The following BMPER variants were observed in gnomAD, a reference collection of about 807,000 sequenced individuals.
The protein encoded by BMPER is BMP-binding endothelial regulator protein.
A neutral mutation model predicts 87.3 loss-of-function variants in BMPER; 45 were observed. The observed-to-expected ratio is 0.52, with a 90% CI of 0.41 to 0.66. BMPER has a LOEUF of 0.66. Ranked by LOEUF, BMPER falls within the 30% of genes least tolerant of loss-of-function variation. BMPER has a pLI of 0.00. For synonymous variants in BMPER, 326 were observed against 316.2 expected, an observed-to-expected ratio of 1.03 and a Z score of -0.33; for missense variants, 784 against 867.5, an observed-to-expected ratio of 0.90 and a Z score of 1.21.
chr7:34,072,592 G>A (rs775727534), intron 11 of BMPER, among the ~76,000 whole-genome samples: 4 of 152,152 alleles, frequency 2.6e-5, no homozygotes, highest in East Asian at 1.9e-4. Flanking sequence ...GGGCCCTTGT[G>A]AATACATTCA....
chr7:33,920,693 G>A (rs1358304719), intron 2 of BMPER, among the ~76,000 whole-genome samples: 1 of 151,982 alleles, frequency 6.6e-6, no homozygotes, highest in African/African-American at 2.4e-5. Flanking sequence ...CCAAAGTGCT[G>A]GGATTACAGG....
chr7:34,009,110 T>C (rs891437194), intron 6 of BMPER, among the ~76,000 whole-genome samples: 1 of 151,862 alleles, frequency 6.6e-6, no homozygotes, highest in Non-Finnish European at 1.5e-5. Flanking sequence ...AGGTGTGAGC[T>C]ACTGTACCCA....
intron 13 of BMPER, among the ~76,000 whole-genome samples, chr7:34,102,607 TCTTA>T (rs1430594529): frequency 2.0e-5 from 3 of 152,166 alleles, no homozygotes; most frequent in African/African-American, 7.2e-5. Flanking sequence ...TTCTAGAGAC[TCTTA>T]CTTGAAGAGG....
At chr7:34,144,110 G>A (rs1191037534) in intron 14 of BMPER, among the ~76,000 whole-genome samples, 1 of 152,180 alleles carries the variant, frequency 6.6e-6, no homozygotes, top group African/African-American at 2.4e-5. Context: ...ATGGGATGAA[G>A]AGGGAGGCTT....
chr7:33,970,110 G>A (rs1426445820), intron 4 of BMPER, among the ~76,000 whole-genome samples: 1 of 152,152 alleles, frequency 6.6e-6, no homozygotes, highest in African/African-American at 2.4e-5. Flanking sequence ...AAGCAAAGAC[G>A]GGGGAAAATA....
At chr7:33,928,199 C>T (rs143883453) in intron 2 of BMPER, among the ~76,000 whole-genome samples, 22 of 152,222 alleles carry the variant, frequency 1.4e-4, no homozygotes, top group South Asian at 2.1e-4. Context: ...AAAGGCAGGA[C>T]GCCACCATGA....
chr7:34,139,046 C>T (rs1280823580), intron 13 of BMPER, among the ~76,000 whole-genome samples: 1 of 152,214 alleles, frequency 6.6e-6, no homozygotes, highest in Non-Finnish European at 1.5e-5. Flanking sequence ...AGATTTTCCT[C>T]ACACTGAATT....
At chr7:34,147,089 T>G (rs1032460219) in intron 14 of BMPER, among the ~76,000 whole-genome samples, 1 of 152,162 alleles carries the variant, frequency 6.6e-6, no homozygotes, top group Non-Finnish European at 1.5e-5. Flanking sequence ...AACGTGGGTG[T>G]TTTTGTCTTT....
chr7:34,041,420 T>G (rs1265743683), intron 6 of BMPER, among the ~76,000 whole-genome samples: 1 of 152,206 alleles, frequency 6.6e-6, no homozygotes, highest in Non-Finnish European at 1.5e-5. Flanking sequence ...GCTGTCACTC[T>G]TCTGCTTTGA....
At chr7:34,052,924 G>T (rs537084489) in intron 8 of BMPER, among the ~76,000 whole-genome samples, 4 of 152,248 alleles carry the variant, frequency 2.6e-5, no homozygotes, top group African/African-American at 9.6e-5. Context: ...TCCTCCCATG[G>T]TTTGTGTTAT....
In BMPER at chr7:33,937,305, G is replaced by C; in HGVS notation, c.236G>C (p.Cys79Ser). 1 of 1,614,156 alleles carries C rather than the reference G, an allele frequency of 6.2e-7. No individual in the cohort carries two copies. The highest frequency in any genetic ancestry group is 8.5e-7 in the Non-Finnish European group (1 of 1,179,992). The change falls in exon 3 of 15, where the codon TGT becomes TCT. Residue 79 changes from cysteine (C) to serine (S), a missense_variant. Coordinates refer to ENST00000649409, the MANE Select transcript of BMPER (RefSeq NM_001365308.1). ...TTTGTCTAGAACAAGGAAGTGACAT[G>C]TAAGAGAGAGAAGTGCCCCGTGCTG... ...MCVCLNKEVT[C>S]KREKCPVLSR...
chr7:34,135,385 T>C (rs920135710), intron 13 of BMPER, among the ~76,000 whole-genome samples: 2 of 152,016 alleles, frequency 1.3e-5, no homozygotes, highest in Admixed American at 6.6e-5. Flanking sequence ...CAGGGACACA[T>C]TGAGTGATTC....
intron 13 of BMPER, among the ~76,000 whole-genome samples, chr7:34,092,512 C>T (rs1001024117): frequency 6.6e-6 from 1 of 152,176 alleles, no homozygotes; most frequent in Non-Finnish European, 1.5e-5. Flanking sequence ...TAGTCCTTTA[C>T]CTTGGCGTCA....
intron 3 of BMPER, among the ~76,000 whole-genome samples, chr7:33,960,768 T>C (rs559763108): frequency 6.6e-6 from 1 of 152,302 alleles, no homozygotes; most frequent in African/African-American, 2.4e-5. Context: ...AAACAGGAGA[T>C]CCAGTGAATG....
intron 6 of BMPER, among the ~76,000 whole-genome samples, chr7:34,019,749 G>A (rs745735870): frequency 3.9e-5 from 6 of 151,956 alleles, no homozygotes; most frequent in Non-Finnish European, 8.8e-5. Flanking sequence ...TCACCGAGCT[G>A]TAGTGAAGAA....
chr7:34,141,461 A>G (rs1050108245), intron 13 of BMPER, among the ~76,000 whole-genome samples: 72 of 151,994 alleles, frequency 4.7e-4, no homozygotes, highest in African/African-American at 1.6e-3. Flanking sequence ...AATACAAAAA[A>G]TTAGCCTGGC....
chr7:34,084,928 C>A (rs186629202), intron 12 of BMPER, among the ~76,000 whole-genome samples: 8 of 152,338 alleles, frequency 5.3e-5, no homozygotes, highest in African/African-American at 7.2e-5. Flanking sequence ...GGTCTAAGTT[C>A]TCTACATTCT....
intron 2 of BMPER, among the ~76,000 whole-genome samples, chr7:33,934,025 C>G (rs987714813): frequency 2.0e-5 from 3 of 152,158 alleles, no homozygotes; most frequent in Non-Finnish European, 4.4e-5. Context: ...GAAAATGTTT[C>G]TTGAATGAAG....
rs146999538 is a variant in BMPER at position 34,076,013 on chromosome 7, T to C, written c.1079-2844T>C. ...GCATCTTCACAGTCATGATATTTTG[T>C]TGGCCTCTTCAATATTGCTGTCAAA... On this transcript the variant is annotated intron_variant, in intron 11 of 14. Transcript: ENST00000649409. Among the ~76,000 whole-genome samples the C allele has an allele frequency of 2.4e-3, 370 of 152,356 alleles. 2 individuals are homozygous for C. The highest frequency in any genetic ancestry group is 8.5e-3 in the African/African-American group (353 of 41,584).
Sources: allele counts gnomAD v4.1 joint callset (sites outside exome capture counted in the v4.1 genomes callset), GRCh38; gene constraint gnomAD v4.1.1; transcripts MANE v1.5; gene names NCBI Gene and HGNC (gene_info 2026-07-23, HGNC 2026-07-21).